Variants in KANK1 observed in about 807,000 individuals in gnomAD.
KANK1 encodes the protein KN motif and ankyrin repeat domains 1, also known as KN motif and ankyrin repeat domain-containing protein 1.
KANK1 carries 109 observed loss-of-function variants against 106.2 expected under a neutral mutation model. That is an observed-to-expected ratio of 1.03 (90% confidence interval 0.88 to 1.20). The LOEUF is 1.20. Ranked by LOEUF, KANK1 falls within the 50% of genes most tolerant of loss-of-function variation. The probability of loss-of-function intolerance (pLI) is 0.00; values close to 1 mark genes in which losing one functional copy is unlikely to be tolerated. For synonymous variants in KANK1, 873 were observed against 652.2 expected, an observed-to-expected ratio of 1.34 and a Z score of -5.16; for missense variants, 2,399 against 1,710.7, an observed-to-expected ratio of 1.40 and a Z score of -7.10.
intron 1 of KANK1, among the ~76,000 whole-genome samples, chr9:654,528 T>C (rs932565097): frequency 6.6e-6 from 1 of 152,064 alleles, no homozygotes; most frequent in African/African-American, 2.4e-5. Context: ...AGAATTTTTT[T>C]TTTCAAACAC....
chr9:668,050 G>C (rs1253263802), intron 1 of KANK1, among the ~76,000 whole-genome samples: 1 of 152,036 alleles, frequency 6.6e-6, no homozygotes, highest in Non-Finnish European at 1.5e-5. Context: ...TCTTGTTATT[G>C]ATATCTAGTT....
intron 1 of KANK1, among the ~76,000 whole-genome samples, chr9:525,149 C>A (rs2059730018): frequency 6.6e-6 from 1 of 151,306 alleles, no homozygotes; most frequent in African/African-American, 2.5e-5. Flanking sequence ...CATGCGCCAC[C>A]ACACCTGGCT....
intron 2 of KANK1, among the ~76,000 whole-genome samples, chr9:694,056 A>G (rs1415873825): frequency 2.6e-5 from 4 of 152,150 alleles, no homozygotes; most frequent in African/African-American, 4.8e-5. Flanking sequence ...GTTTAGTTCA[A>G]TTCAATAATT....
chr9:732,456 T>G lies in KANK1; in HGVS notation c.3084T>G (p.Ile1028Met). The G allele has an allele frequency of 6.2e-7, 1 of 1,614,068 alleles. No homozygotes were observed. The highest frequency in any genetic ancestry group is 8.5e-7 in the Non-Finnish European group (1 of 1,179,988). ...SSESDDECDV[I>M]EYPLEEEEEE... ...AGTCAGATGACGAGTGTGATGTCAT[T>G]GAGTATCCTCTTGAAGAAGAGGAGG... Residue 1028 changes from isoleucine (I) to methionine (M), a missense_variant, in exon 6 of 12, where the codon ATT becomes ATG. Physicochemically the swap from Ile to Met is conservative, Grantham distance 10. Transcript: ENST00000382297.
chr9:704,153 C>CTGTAG (rs1284444242), intron 2 of KANK1, among the ~76,000 whole-genome samples: 1 of 152,208 alleles, frequency 6.6e-6, no homozygotes, highest in Non-Finnish European at 1.5e-5. Context: ...GGGGGAAGAA[C>CTGTAG]TGTAGTACCT....
chr9:472,827 C>T (rs1258731441), intron 2 of KANK1, among the ~76,000 whole-genome samples: 1 of 152,184 alleles, frequency 6.6e-6, no homozygotes, highest in Non-Finnish European at 1.5e-5. Flanking sequence ...GACAGCCAGG[C>T]TTCCTGATAC....
Position 700,604 on chromosome 9 carries a change from C to G in KANK1, c.38-10200C>G, listed in dbSNP as rs146216469. Among the ~76,000 whole-genome samples, 288 of 152,272 alleles carry G rather than the reference C, an allele frequency of 1.9e-3. 1 individual carries two copies. Among genetic ancestry groups the G allele is most frequent in the African/African-American group, 6.6e-3 (275 of 41,544 alleles). On this transcript the variant is annotated intron_variant, in intron 2 of 11. Coordinates refer to ENST00000382297, the MANE Select transcript of KANK1 (RefSeq NM_015158.5). ...CTTTGAACAGCAGGATGCTTACACT[C>G]TGGGGCTTTTAAATGTGGAAATCTG...
In KANK1 at chr9:647,999, C is replaced by CTTTTT. The variant is rs59053892; in HGVS notation, c.-83-28875_-83-28871dup. ...GACCACCATTTCTGGGGGTTGTTATCTTTTTTTTTTTTTTTTTTTTGATAC... is the reference window on the plus strand; with the variant it reads ...GACCACCATTTCTGGGGGTTGTTATCTTTTTTTTTTTTTTTTTTTTTTTTTGATAC... On this transcript the variant is annotated intron_variant, in intron 1 of 11. Coordinates refer to ENST00000382297, the MANE Select transcript of KANK1 (RefSeq NM_015158.5). Among the ~76,000 whole-genome samples the CTTTTT allele has an allele frequency of 6.8e-5, 8 of 118,310 alleles. No individual in the cohort carries two copies. In the East Asian group the frequency reaches 1.5e-3, roughly 21 times the overall value. The allele number at this position is 118,310 out of a possible 152,430, so 77.6% of individuals were successfully genotyped here.
intron 3 of KANK1, among the ~76,000 whole-genome samples, chr9:497,463 T>C (rs10120652): frequency 0.039 from 5,893 of 151,418 alleles, 368 homozygotes; most frequent in African/African-American, 0.14. Context: ...CTCACACTCT[T>C]GCCACCATGA....
chr9:637,389 A>G (rs1373805442), intron 1 of KANK1, among the ~76,000 whole-genome samples: 3 of 152,174 alleles, frequency 2.0e-5, no homozygotes, highest in African/African-American at 7.2e-5. Context: ...GTATGGTTCA[A>G]CATTCATTTC....
chr9:488,256 A>G (rs1355878501), intron 3 of KANK1, among the ~76,000 whole-genome samples: 1 of 152,188 alleles, frequency 6.6e-6, no homozygotes, highest in Non-Finnish European at 1.5e-5. Flanking sequence ...GTCTAGCCTC[A>G]CAATATCCAG....
chr9:579,032 T>C (rs1821332346), intron 1 of KANK1, among the ~76,000 whole-genome samples: 1 of 152,120 alleles, frequency 6.6e-6, no homozygotes, highest in African/African-American at 2.4e-5. Context: ...CACATAGACA[T>C]AAAAAATGCC....
chr9:584,549 T>C (rs1398488328), intron 1 of KANK1, among the ~76,000 whole-genome samples: 1 of 152,228 alleles, frequency 6.6e-6, no homozygotes, highest in Non-Finnish European at 1.5e-5. Flanking sequence ...TTGACACATT[T>C]TGGTGTCTTT....
At chr9:710,773 T>A in intron 2 of KANK1, 31 bp from the exon 3 acceptor site, 1 of 1,536,116 alleles carries the variant, frequency 6.5e-7, no homozygotes, top group Non-Finnish European at 8.7e-7. Flanking sequence ...GTATTGCATG[T>A]CATTATAATA....
intron 1 of KANK1, among the ~76,000 whole-genome samples, chr9:597,614 T>C (rs1055257175): frequency 5.3e-5 from 8 of 151,740 alleles, no homozygotes; most frequent in East Asian, 3.8e-4. Flanking sequence ...TTAATAGATA[T>C]GTGATTTGCA....
intron 1 of KANK1, among the ~76,000 whole-genome samples, chr9:639,693 G>A (rs937896276): frequency 7.9e-5 from 12 of 152,152 alleles, no homozygotes; most frequent in Admixed American, 6.5e-5. Flanking sequence ...TAAAGTCTCC[G>A]TCTTAGTCCA....
chr9:544,636 C>T lies in KANK1; in HGVS notation c.-84+39882C>T, dbSNP rs1266225700. On this transcript the variant is annotated intron_variant, in intron 1 of 11. Coordinates refer to ENST00000382297, the MANE Select transcript of KANK1 (RefSeq NM_015158.5). ...AGTAAGCGCTCTGATAGGGGAAGTA[C>T]GGGCTGTTATGGGCGCTTCATACTG... Among the ~76,000 whole-genome samples the T allele has an allele frequency of 2.0e-5, 3 of 151,986 alleles. No homozygotes were observed. The East Asian group carries it at 5.8e-4, about 29-fold the overall frequency.
intron 1 of KANK1, among the ~76,000 whole-genome samples, chr9:541,401 C>T (rs1230391875): frequency 1.3e-5 from 2 of 152,164 alleles, no homozygotes; most frequent in Non-Finnish European, 2.9e-5. Context: ...CCCTTTCTCA[C>T]ACCATATACA....
chr9:619,639 G>A (rs1588306984), intron 1 of KANK1, among the ~76,000 whole-genome samples: 1 of 152,142 alleles, frequency 6.6e-6, no homozygotes. Flanking sequence ...GTTTACCTTT[G>A]ACTTGTGGGT....
Sources: allele counts gnomAD v4.1 joint callset (sites outside exome capture counted in the v4.1 genomes callset), GRCh38; gene constraint gnomAD v4.1.1; transcripts MANE v1.5; gene names NCBI Gene and HGNC (gene_info 2026-07-23, HGNC 2026-07-21).